Variants in DROSHA observed in about 807,000 individuals in gnomAD.
The protein encoded by DROSHA is drosha ribonuclease III.
In DROSHA, 56 loss-of-function variants were observed where a neutral mutation model predicts 181.9. The ratio of observed to expected loss-of-function variants is 0.31; its 90% confidence interval spans 0.25 to 0.38. The LOEUF is 0.38. DROSHA is among the 10% of genes least tolerant of loss of function. The probability of loss-of-function intolerance (pLI) is 1.00; values close to 1 mark genes in which losing one functional copy is unlikely to be tolerated. For synonymous variants in DROSHA, 524 were observed against 591.2 expected (o/e 0.89, Z 1.65); for missense variants, 1,218 against 1,743.5 (o/e 0.70, Z 5.37).
intron 34 of DROSHA, 106 bp from the exon 35 acceptor site, chr5:31,405,829 G>A (rs1579970925): frequency 9.2e-6 from 9 of 980,042 alleles, no homozygotes; most frequent in Non-Finnish European, 1.1e-5. Flanking sequence ...CTTTCAGGCT[G>A]ATTTTCACGT....
chr5:31,431,366 C>CAAA (rs58316191), intron 26 of DROSHA, among the ~76,000 whole-genome samples: 676 of 57,526 alleles, frequency 0.012, 45 homozygotes, highest in Non-Finnish European at 0.013. Flanking sequence ...CAGTAGAATG[C>CAAA]AAAAAAAAAA....
At chr5:31,530,702 T>C (rs1741202939) in intron 3 of DROSHA, 96 bp downstream of exon 3, 5 of 389,994 alleles carry the variant, frequency 1.3e-5, no homozygotes, top group Non-Finnish European at 2.3e-5. Context: ...CTATCAATCT[T>C]AAATGCCACC....
At chr5:31,461,384 ACT>A (rs1748385839) in intron 20 of DROSHA, among the ~76,000 whole-genome samples, 1 of 152,044 alleles carries the variant, frequency 6.6e-6, no homozygotes, top group African/African-American at 2.4e-5. Flanking sequence ...TGTGGCAAAA[ACT>A]CTTAGTTAAA....
At chr5:31,453,240 G>A (rs1275091886) in intron 20 of DROSHA, among the ~76,000 whole-genome samples, 1 of 152,100 alleles carries the variant, frequency 6.6e-6, no homozygotes, top group Admixed American at 6.5e-5. Context: ...CTGTCACCCA[G>A]GCTAGAGTGC....
Position 31,526,222 on chromosome 5 carries a change from A to C in DROSHA, c.711T>G (p.Ser237Arg). 1 of 1,610,998 alleles carries C rather than the reference A, an allele frequency of 6.2e-7. No homozygotes were observed. The highest frequency in any genetic ancestry group is 8.5e-7 in the Non-Finnish European group (1 of 1,178,898). ...HYDDHRHRDH[S>R]HGRGERHRSL... ...ACCGATGCCTCTCACCTCGCCCATG[A>C]CTGTGATCTCGGTGCCTGTGGTCAT... Residue 237 changes from serine to arginine, a missense_variant, in exon 5 of 36, where the codon AGT becomes AGG. Transcript: ENST00000344624.
Position 31,495,372 on chromosome 5 carries a change from C to A in DROSHA, c.1669G>T (p.Ala557Ser), listed in dbSNP as rs61751194. ...GTCATAGGACGACAGGGCTTGATGG[C>A]CTGAGGGGAAAAAAACGAAAATCAG... ...IRHSIYPGEE[A>S]IKPCRPMTNN... Residue 557 changes from alanine to serine, a missense_variant and splice_region_variant, in exon 12 of 36, where the codon GCC becomes TCC. Physicochemically the swap from Ala to Ser is moderately conservative, Grantham distance 99 (BLOSUM62 1). Coordinates refer to ENST00000344624, the MANE Select transcript of DROSHA (RefSeq NM_001382508.1). 3,840 of 1,611,520 alleles carry A rather than the reference C, an allele frequency of 2.4e-3. 10 individuals carry two copies. Among genetic ancestry groups the A allele is most frequent in the Non-Finnish European group, 2.9e-3 (3,448 of 1,179,118 alleles).
intron 23 of DROSHA, 151 bp downstream of exon 23, chr5:31,448,396 G>A: frequency 1.6e-6 from 1 of 641,698 alleles, no homozygotes. Flanking sequence ...TCTCTTTGGG[G>A]TAATGTCAAT....
intron 23 of DROSHA, among the ~76,000 whole-genome samples, chr5:31,442,399 T>C (rs983190697): frequency 2.6e-5 from 4 of 152,208 alleles, no homozygotes; most frequent in African/African-American, 9.7e-5. Context: ...AATCTTTTGT[T>C]CCTTCTTTCA....
chr5:31,449,470 G>A (rs1746702643), intron 21 of DROSHA, 51 bp from the exon 22 acceptor site: 4 of 1,530,486 alleles, frequency 2.6e-6, no homozygotes, highest in African/African-American at 1.4e-5. Flanking sequence ...TAAACTGGGT[G>A]CAGTGGCTCA....
chr5:31,515,538 T>C lies in DROSHA; in HGVS notation c.974A>G (p.Glu325Gly). 1 of 1,550,306 alleles carries C rather than the reference T, an allele frequency of 6.5e-7. No individual in the cohort carries two copies. The highest frequency in any genetic ancestry group is 2.4e-5 in the East Asian group (1 of 40,908). Residue 325 changes from glutamate (E) to glycine (G), a missense_variant, in exon 7 of 36, where the codon GAA (glutamate) becomes GGA (glycine). Glu to Gly is a moderately conservative substitution (Grantham distance 98, BLOSUM62 -2). Around this residue, in one of 8 missense-constraint regions of DROSHA, gnomAD observed 536 missense variants for 535.4 expected, o/e 1.00. Transcript: ENST00000344624. ...GRSYGLSVVPEPAGCTPELPG... is the reference protein window; with the variant it reads ...GRSYGLSVVPGPAGCTPELPG... ...TAATTCTGGTGTGCATCCAGCAGGT[T>C]CAGGAACAACCGATAAACCGTAACT...
intron 27 of DROSHA, among the ~76,000 whole-genome samples, chr5:31,428,772 A>G (rs903187937): frequency 2.6e-5 from 4 of 152,180 alleles, no homozygotes; most frequent in Admixed American, 6.5e-5. Flanking sequence ...TCATTCAATT[A>G]TAATGACATT....
At chr5:31,408,953 C>G in intron 33 of DROSHA, 103 bp downstream of exon 33, 2 of 1,070,322 alleles carry the variant, frequency 1.9e-6, no homozygotes, top group Non-Finnish European at 2.7e-6. Flanking sequence ...ATCCTGGGCT[C>G]CTGTCATGAT....
Position 31,401,461 on chromosome 5 carries a change from G to A in DROSHA, c.4096C>T (p.Pro1366Ser), listed in dbSNP as rs1188571005. The change falls in exon 36 of 36, where the codon CCA (proline) becomes TCA (serine). Residue 1366 changes from proline (P) to serine (S), a missense_variant. Around this residue, in one of 8 missense-constraint regions of DROSHA, gnomAD observed 32 missense variants for 29.2 expected, o/e 1.09. Transcript: ENST00000344624. ...TTCTTGATGTCTTCAGTCTCATCTG[G>A]CTCTCTCTCTTGATGCTCTCTTTCC... is the stretch of plus-strand genomic sequence containing the variant. ...RWEREHQERE[P>S]DETEDIKK The A allele has an allele frequency of 2.0e-5, 33 of 1,612,500 alleles. No individual in the cohort carries two copies. Among genetic ancestry groups the A allele is most frequent in the Non-Finnish European group, 2.7e-5 (32 of 1,179,176 alleles).
chr5:31,503,966 A>C (rs1323993035), intron 11 of DROSHA, among the ~76,000 whole-genome samples: 1 of 152,218 alleles, frequency 6.6e-6, no homozygotes, highest in African/African-American at 2.4e-5. Context: ...TAAAGTGAGG[A>C]GCTTGGGATT....
chr5:31,526,948 TA>T (rs1561302497), intron 4 of DROSHA, 36 bp from the exon 5 acceptor site: 2 of 1,565,806 alleles, frequency 1.3e-6, no homozygotes, highest in Admixed American at 1.9e-5. Context: ...AAAGTTTTTT[TA>T]AAAAATAATT....
At chr5:31,458,065 C>T (rs909121748) in intron 20 of DROSHA, among the ~76,000 whole-genome samples, 3 of 152,174 alleles carry the variant, frequency 2.0e-5, no homozygotes, top group African/African-American at 7.2e-5. Context: ...AGACAGTCCC[C>T]AACTTACAAT....
At chr5:31,456,788 G>T (rs551582210) in intron 20 of DROSHA, among the ~76,000 whole-genome samples, 48 of 152,224 alleles carry the variant, frequency 3.2e-4, no homozygotes, top group African/African-American at 1.1e-3. Context: ...TAGAGACAGG[G>T]TTTCACTCTG....
At chr5:31,426,620 A>G (rs1743502754) in intron 27 of DROSHA, among the ~76,000 whole-genome samples, 1 of 152,172 alleles carries the variant, frequency 6.6e-6, no homozygotes, top group Non-Finnish European at 1.5e-5. Context: ...GGGCACCAGA[A>G]ACATACAAAT....
chr5:31,504,656 T>G (rs1178318606), intron 10 of DROSHA, 21 bp from the exon 11 acceptor site: 1 of 1,613,324 alleles, frequency 6.2e-7, no homozygotes, highest in South Asian at 1.1e-5. Context: ...CACAATGTAA[T>G]TCGTTTTTAT....
Sources: allele counts gnomAD v4.1 joint callset (sites outside exome capture counted in the v4.1 genomes callset), GRCh38; gene constraint gnomAD v4.1.1; regional missense constraint gnomAD v4.1.1; transcripts MANE v1.5; gene names NCBI Gene and HGNC (gene_info 2026-07-23, HGNC 2026-07-21).